Variants in MTHFS observed in about 807,000 individuals in gnomAD.
MTHFS encodes 5-formyltetrahydrofolate cyclo-ligase.
Under a neutral mutation model 12.7 loss-of-function variants are expected in MTHFS, and 7 were observed. The observed-to-expected ratio is 0.55, with a 90% CI of 0.31 to 1.03. The LOEUF is 1.03. Ranked by LOEUF, MTHFS falls within the 50% of genes least tolerant of loss-of-function variation. The pLI, the probability that MTHFS is intolerant of heterozygous loss-of-function variation, is 0.05. For synonymous variants in MTHFS, 100 were observed against 97.1 expected (o/e 1.03, Z -0.18); for missense variants, 252 against 258.1 (o/e 0.98, Z 0.16).
At chr15:79,874,808 AGAG>A (rs1463961112) in intron 2 of MTHFS, among the ~76,000 whole-genome samples, 3 of 152,110 alleles carry the variant, frequency 2.0e-5, no homozygotes, top group Non-Finnish European at 2.9e-5. Flanking sequence ...CGCTTTTGTA[AGAG>A]GAGAAATATG....
At chr15:79,871,190 G>A (rs2034099240) in intron 2 of MTHFS, among the ~76,000 whole-genome samples, 1 of 152,012 alleles carries the variant, frequency 6.6e-6, no homozygotes. Flanking sequence ...TCTTTCACAG[G>A]GGTAAGGTCA....
At chr15:79,866,990 G>GAAA (rs34085909) in intron 2 of MTHFS, among the ~76,000 whole-genome samples, 1 of 147,264 alleles carries the variant, frequency 6.8e-6, no homozygotes, top group Admixed American at 6.8e-5. Context: ...AAAAAGAAAA[G>GAAA]AAAAAAAAAA....
intron 2 of MTHFS, among the ~76,000 whole-genome samples, chr15:79,856,676 G>A (rs1200293258): frequency 6.6e-6 from 1 of 152,150 alleles, no homozygotes; most frequent in Non-Finnish European, 1.5e-5. Flanking sequence ...AAAAATTCTG[G>A]AGATCTGTTG....
intron 2 of MTHFS, among the ~76,000 whole-genome samples, chr15:79,888,657 G>T (rs1011227555): frequency 2.0e-5 from 3 of 152,210 alleles, no homozygotes; most frequent in Non-Finnish European, 4.4e-5. Context: ...AGAGAAAGAG[G>T]GGAGTCAAGG....
At chr15:79,881,276 A>G (rs2034290461) in intron 2 of MTHFS, among the ~76,000 whole-genome samples, 1 of 152,230 alleles carries the variant, frequency 6.6e-6, no homozygotes, top group Admixed American at 6.5e-5. Flanking sequence ...AGTACATTCA[A>G]TGAATCATTA....
intron 2 of MTHFS, among the ~76,000 whole-genome samples, chr15:79,857,969 T>C (rs555773346): frequency 6.9e-6 from 1 of 144,666 alleles, no homozygotes; most frequent in South Asian, 2.2e-4. Flanking sequence ...TGGGCCAAGA[T>C]TGCGCCACTG....
At chr15:79,873,131 T>C (rs2034135133) in intron 2 of MTHFS, among the ~76,000 whole-genome samples, 1 of 152,174 alleles carries the variant, frequency 6.6e-6, no homozygotes, top group African/African-American at 2.4e-5. Flanking sequence ...TCTTTCTGTA[T>C]CCCTATCTCA....
intron 2 of MTHFS, among the ~76,000 whole-genome samples, chr15:79,866,342 T>C (rs1267335454): frequency 2.0e-5 from 3 of 152,188 alleles, no homozygotes; most frequent in Non-Finnish European, 4.4e-5. Flanking sequence ...AACAGTTACC[T>C]GATGGAAGAG....
chr15:79,865,164 G>A (rs2141354135), intron 2 of MTHFS, among the ~76,000 whole-genome samples: 1 of 152,264 alleles, frequency 6.6e-6, no homozygotes, highest in African/African-American at 2.4e-5. Context: ...GATCCATAAA[G>A]ATACACAATT....
rs1008068276 is a variant in MTHFS, at chr15:79,844,083, T to C, written c.*1127A>G. On this transcript the variant is annotated 3_prime_UTR_variant, in exon 3 of 3. Coordinates refer to ENST00000258874, the MANE Select transcript of MTHFS (RefSeq NM_006441.4). The stretch of plus-strand genomic sequence containing the variant: ...TAGAAAAAGTAGATGAGGAGACCTC[T>C]CTTAAGGGGCTTTGTATACAACAGA... 2 of 152,244 alleles carry C rather than the reference T, an allele frequency of 1.3e-5. No homozygotes were observed. Among genetic ancestry groups the C allele is most frequent in the Non-Finnish European group, 2.9e-5 (2 of 68,072 alleles). The allele number at this position is 152,244 out of a possible 1,614,324, so 9.4% of individuals were successfully genotyped here. A position where few individuals can be genotyped will look rare whatever the true frequency, so the allele number is the denominator to read the frequency against.
chr15:79,884,942 C>T (rs754924632), intron 2 of MTHFS, among the ~76,000 whole-genome samples: 4 of 131,170 alleles, frequency 3.0e-5, no homozygotes, highest in Non-Finnish European at 5.1e-5. Context: ...TCCCATCACA[C>T]CTTCCACAGA....
intron 2 of MTHFS, among the ~76,000 whole-genome samples, chr15:79,846,171 T>C (rs2033611946): frequency 6.6e-6 from 1 of 151,958 alleles, no homozygotes; most frequent in African/African-American, 2.4e-5. Context: ...CCAACTGCAG[T>C]AAGGGTGTGT....
chr15:79,868,575 T>C (rs1275570662), intron 2 of MTHFS, among the ~76,000 whole-genome samples: 5 of 152,200 alleles, frequency 3.3e-5, no homozygotes, highest in Non-Finnish European at 7.3e-5. Flanking sequence ...ATTGAATGAG[T>C]GGACTCAGTA....
intron 1 of MTHFS, among the ~76,000 whole-genome samples, chr15:79,893,450 G>T (rs373346415): frequency 3.9e-5 from 6 of 151,970 alleles, no homozygotes; most frequent in Non-Finnish European, 2.9e-5. Context: ...TGTAATCCCA[G>T]TACTTTGGGA....
intron 2 of MTHFS, among the ~76,000 whole-genome samples, chr15:79,871,813 A>T (rs2141360687): frequency 6.6e-6 from 1 of 152,206 alleles, no homozygotes; most frequent in African/African-American, 2.4e-5. Context: ...TAAAATTAAA[A>T]TTTTTTACAT....
chr15:79,854,641 A>C (rs1251455628), intron 2 of MTHFS, among the ~76,000 whole-genome samples: 1 of 152,236 alleles, frequency 6.6e-6, no homozygotes, highest in Non-Finnish European at 1.5e-5. Context: ...TATCTTTATA[A>C]GAACAAAGCT....
chr15:79,880,271 G>A (rs964870654), intron 2 of MTHFS, among the ~76,000 whole-genome samples: 9 of 151,884 alleles, frequency 5.9e-5, no homozygotes, highest in African/African-American at 1.5e-4. Context: ...TAGTAAAGAC[G>A]GGGTTTCAAC....
intron 2 of MTHFS, among the ~76,000 whole-genome samples, chr15:79,880,301 C>T (rs913264865): frequency 1.3e-5 from 2 of 151,910 alleles, no homozygotes; most frequent in Admixed American, 6.6e-5. Flanking sequence ...AGGATGGTCT[C>T]GATCTCCTGA....
At chr15:79,879,805 T>C (rs1468379664) in intron 2 of MTHFS, among the ~76,000 whole-genome samples, 1 of 152,150 alleles carries the variant, frequency 6.6e-6, no homozygotes, top group Admixed American at 6.5e-5. Context: ...TGCACACATA[T>C]ATACACACAA....
Sources: allele counts gnomAD v4.1 joint callset (sites outside exome capture counted in the v4.1 genomes callset), GRCh38; gene constraint gnomAD v4.1.1; transcripts MANE v1.5; gene names NCBI Gene and HGNC (gene_info 2026-07-23, HGNC 2026-07-21).